The following MREG variants were observed in gnomAD, a reference collection of about 807,000 sequenced individuals.
MREG encodes dilute suppressor protein homolog.
MREG carries 31 observed loss-of-function variants against 28.5 expected under a neutral mutation model. That is an observed-to-expected ratio of 1.09 (90% CI 0.82 to 1.47). The LOEUF (loss-of-function observed/expected upper bound fraction) is 1.47, where lower values mean the gene tolerates loss of function less well. Ranked by LOEUF, MREG falls within the 40% of genes most tolerant of loss-of-function variation. MREG has a pLI of 0.00. For missense variants in MREG, 256 were observed against 257.4 expected (o/e 0.99, Z 0.04); for synonymous variants, 106 against 95.2 (o/e 1.11, Z -0.66).
At chr2:215,995,566 A>G (rs1693850764) in intron 2 of MREG, among the ~76,000 whole-genome samples, 1 of 144,054 alleles carries the variant, frequency 6.9e-6, no homozygotes. Context: ...ACCCTGCTCA[A>G]TTCCTCTACA....
intron 2 of MREG, among the ~76,000 whole-genome samples, chr2:215,986,512 CT>C (rs1693576638): frequency 6.6e-6 from 1 of 152,186 alleles, no homozygotes; most frequent in East Asian, 1.9e-4. Context: ...TGTTCTCCAC[CT>C]TGAAGTGTTT....
intron 2 of MREG, among the ~76,000 whole-genome samples, chr2:215,983,111 G>A (rs932860192): frequency 2.6e-5 from 4 of 152,126 alleles, no homozygotes; most frequent in East Asian, 1.9e-4. Flanking sequence ...AGAAGCCTTC[G>A]GAGGATCCCA....
upstream of MREG, among the ~76,000 whole-genome samples, chr2:216,014,832 C>T (rs1694406325): frequency 6.6e-6 from 1 of 151,666 alleles, no homozygotes; most frequent in Admixed American, 6.6e-5. Flanking sequence ...TTCCCTATAC[C>T]CTCGCCAAAT....
intron 2 of MREG, among the ~76,000 whole-genome samples, chr2:215,957,121 A>G (rs1311641654): frequency 6.6e-6 from 1 of 152,160 alleles, no homozygotes; most frequent in African/African-American, 2.4e-5. Context: ...AAGGAAGGAA[A>G]AAAAGTAGAA....
upstream of MREG, among the ~76,000 whole-genome samples, chr2:216,016,408 G>GA (rs879439550): frequency 8.5e-5 from 13 of 152,328 alleles, no homozygotes; most frequent in Admixed American, 7.2e-4. Context: ...GCAAGAAAAT[G>GA]AAAACTAGGG....
At chr2:216,029,731 C>T (rs1033549359) in intron 1 of MREG, among the ~76,000 whole-genome samples, 15 of 152,204 alleles carry the variant, frequency 9.9e-5, no homozygotes, top group African/African-American at 3.6e-4. Flanking sequence ...ATGCCTAGGG[C>T]CAGAATAGTC....
In MREG at chr2:215,951,067, C is replaced by T. The variant is rs182509914; in HGVS notation, c.256-3954G>A. ...GTGAAGAAGGTGCTTTCTTCCCCTT[C>T]GCCCTTTTGCCATGAGTGTAAGTTT... On this transcript the variant is annotated intron_variant, in intron 2 of 4. Transcript: ENST00000263268. Among the ~76,000 whole-genome samples the T allele has an allele frequency of 2.1e-3, 321 of 152,234 alleles. 5 individuals are homozygous for T. Among genetic ancestry groups the T allele is most frequent in the Admixed American group, 0.021 (317 of 15,270 alleles).
At chr2:215,956,822 G>C (rs1172855970) in intron 2 of MREG, among the ~76,000 whole-genome samples, 1 of 152,198 alleles carries the variant, frequency 6.6e-6, no homozygotes, top group Non-Finnish European at 1.5e-5. Context: ...TTACAGGGAT[G>C]AGCCACCATA....
chr2:215,964,884 C>T (rs7569817), intron 2 of MREG, among the ~76,000 whole-genome samples: 691 of 40,866 alleles, frequency 0.017, 3 homozygotes, highest in African/African-American at 0.059. Context: ...GATAGATAGA[C>T]AGACAGATAT....
At chr2:215,946,549 A>G (rs1005607366) in intron 3 of MREG, among the ~76,000 whole-genome samples, 1 of 152,184 alleles carries the variant, frequency 6.6e-6, no homozygotes. Context: ...GAGGGCAGGT[A>G]TCTACCCTAA....
At chr2:215,945,428 G>C in intron 4 of MREG, 143 bp downstream of exon 4, 3 of 982,810 alleles carry the variant, frequency 3.1e-6, no homozygotes, top group Non-Finnish European at 4.5e-6. Flanking sequence ...CGGGCCACTG[G>C]GGACCACAGC....
At chr2:215,972,851 C>T (rs1693142365) in intron 2 of MREG, among the ~76,000 whole-genome samples, 1 of 152,232 alleles carries the variant, frequency 6.6e-6, no homozygotes, top group African/African-American at 2.4e-5. Flanking sequence ...ACAGGTTCCT[C>T]TTCCAAAATT....
At chr2:215,967,109 T>C (rs1338357275) in intron 2 of MREG, among the ~76,000 whole-genome samples, 1 of 152,226 alleles carries the variant, frequency 6.6e-6, no homozygotes, top group Non-Finnish European at 1.5e-5. Context: ...TATTTGTTTA[T>C]AATTACCCCA....
intron 2 of MREG, among the ~76,000 whole-genome samples, chr2:215,990,914 A>G (rs1305407231): frequency 6.6e-6 from 1 of 152,246 alleles, no homozygotes; most frequent in Non-Finnish European, 1.5e-5. Context: ...AGAAACATAC[A>G]AAGAGACTTA....
chr2:216,032,250 C>T (rs1012033896), intron 1 of MREG, among the ~76,000 whole-genome samples: 5 of 152,130 alleles, frequency 3.3e-5, no homozygotes, highest in African/African-American at 1.2e-4. Flanking sequence ...GTAACTCAGT[C>T]CAGAGAAATG....
At chr2:215,996,515 G>T (rs756184885) in intron 1 of MREG, 50 bp from the exon 2 acceptor site, 16 of 1,387,318 alleles carry the variant, frequency 1.2e-5, no homozygotes, top group Non-Finnish European at 1.5e-5. Context: ...TACATAAAAT[G>T]TTATATGTCA....
At chr2:216,031,436 A>G (rs1694691066) in intron 1 of MREG, among the ~76,000 whole-genome samples, 1 of 143,192 alleles carries the variant, frequency 7.0e-6, no homozygotes, top group African/African-American at 2.7e-5. Context: ...AAGAAAAGAA[A>G]GAAAGAAAAA....
At chr2:215,955,419 C>T (rs1327642299) in intron 2 of MREG, among the ~76,000 whole-genome samples, 2 of 152,140 alleles carry the variant, frequency 1.3e-5, no homozygotes, top group African/African-American at 4.8e-5. Flanking sequence ...CACTATATAC[C>T]ACCCTTTGGG....
At chr2:215,989,223 C>T (rs1028579992) in intron 2 of MREG, among the ~76,000 whole-genome samples, 3 of 152,226 alleles carry the variant, frequency 2.0e-5, no homozygotes, top group African/African-American at 4.8e-5. Flanking sequence ...TGCTGTTCTA[C>T]AGCCTCCGCT....
Sources: allele counts gnomAD v4.1 joint callset (sites outside exome capture counted in the v4.1 genomes callset), GRCh38; gene constraint gnomAD v4.1.1; transcripts MANE v1.5; gene names NCBI Gene and HGNC (gene_info 2026-07-23, HGNC 2026-07-21).